The following TBC1D1 variants were observed in gnomAD, a reference collection of about 807,000 sequenced individuals.
TBC1D1 encodes the protein TBC1 (tre-2/USP6, BUB2, cdc16) domain family, member 1.
TBC1D1 carries 89 observed loss-of-function variants against 125.6 expected under a neutral mutation model. The observed-to-expected ratio is 0.71, with a 90% CI of 0.60 to 0.85. The LOEUF is 0.85. Among genes scored for constraint, TBC1D1 ranks in the 40% least tolerant of loss-of-function variants. The pLI is 0.00. For missense variants in TBC1D1, 1,377 were observed against 1,469.2 expected, an observed-to-expected ratio of 0.94 and a Z score of 1.03; for synonymous variants, 565 against 564.1, an observed-to-expected ratio of 1.00 and a Z score of -0.02.
At chr4:38,040,055 A>T (rs184720107) in intron 8 of TBC1D1, among the ~76,000 whole-genome samples, 1 of 152,322 alleles carries the variant, frequency 6.6e-6, no homozygotes, top group African/African-American at 2.4e-5. Context: ...TCATTTCTAA[A>T]TGTGAATTAT....
intron 5 of TBC1D1, among the ~76,000 whole-genome samples, chr4:38,021,063 A>T (rs571029595): frequency 3.6e-4 from 55 of 152,334 alleles, no homozygotes; most frequent in Non-Finnish European, 4.3e-4. Context: ...TGGGTAATTT[A>T]TAAAGGAAAG....
chr4:37,971,341 G>A (rs1731977919), intron 2 of TBC1D1, among the ~76,000 whole-genome samples: 1 of 152,124 alleles, frequency 6.6e-6, no homozygotes, highest in Non-Finnish European at 1.5e-5. Flanking sequence ...CACGTGGCTG[G>A]GGAGGCCTCA....
intron 2 of TBC1D1, among the ~76,000 whole-genome samples, chr4:37,931,861 C>A (rs1326979729): frequency 6.6e-6 from 1 of 152,174 alleles, no homozygotes; most frequent in Non-Finnish European, 1.5e-5. Context: ...ACAAGTTTTA[C>A]TCTTTCTTGT....
Position 38,074,448 on chromosome 4 carries a change from G to A in TBC1D1, c.2051-15484G>A, listed in dbSNP as rs898480357. Among the ~76,000 whole-genome samples the A allele has an allele frequency of 3.9e-5, 6 of 152,206 alleles. 1 individual carries two copies. Among genetic ancestry groups the A allele is most frequent in the South Asian group, 4.1e-4 (2 of 4,834 alleles). ...CACAATGACCAGGCTTGGAAGGATC[G>A]ATTTCCCCTGTGCTGGCCCTCAGAA... On this transcript the variant is annotated intron_variant, in intron 12 of 19. Transcript: ENST00000261439.
intron 2 of TBC1D1, among the ~76,000 whole-genome samples, chr4:37,964,327 T>G (rs1730654430): frequency 6.6e-6 from 1 of 152,166 alleles, no homozygotes; most frequent in Non-Finnish European, 1.5e-5. Flanking sequence ...GTCTCACAGT[T>G]GGAAAGGAGG....
At chr4:38,103,305 G>A (rs1760697449) in intron 15 of TBC1D1, 148 bp downstream of exon 17, 5 of 782,448 alleles carry the variant, frequency 6.4e-6, no homozygotes, top group Non-Finnish European at 9.9e-6. Flanking sequence ...AAGCCCTAGG[G>A]TAATCACAAA....
At chr4:38,095,319 C>A (rs1366462642) in intron 13 of TBC1D1, among the ~76,000 whole-genome samples, 1 of 152,176 alleles carries the variant, frequency 6.6e-6, no homozygotes, top group Non-Finnish European at 1.5e-5. Context: ...ATATTACTCC[C>A]CCCTGGGCTT....
Position 38,011,442 on chromosome 4 carries a change from G to T in TBC1D1, c.418-3067G>T, listed in dbSNP as rs1227302605. Among the ~76,000 whole-genome samples, 4 of 151,930 alleles carry T rather than the reference G, an allele frequency of 2.6e-5. No homozygotes were observed. The East Asian group carries it at 7.7e-4, about 29-fold the overall frequency. On this transcript the variant is annotated intron_variant, in intron 2 of 19. Coordinates refer to ENST00000261439, the MANE Select transcript of TBC1D1 (RefSeq NM_015173.4). ...GGTTTTATAAACTTACACACAGATA[G>T]AACCCATTTTTTATTTAGTCTCTTA...
chr4:38,126,054 T>C (rs1764585760), intron 18 of TBC1D1, among the ~76,000 whole-genome samples: 1 of 152,236 alleles, frequency 6.6e-6, no homozygotes, highest in Non-Finnish European at 1.5e-5. Context: ...GCAAACTTCA[T>C]AAAGTGTACT....
chr4:38,029,580 G>A (rs1745744940), intron 7 of TBC1D1, among the ~76,000 whole-genome samples: 1 of 152,136 alleles, frequency 6.6e-6, no homozygotes, highest in African/African-American at 2.4e-5. Context: ...TATTGGCCAG[G>A]CTGGTCTCTA....
intron 2 of TBC1D1, among the ~76,000 whole-genome samples, chr4:37,929,544 T>C (rs990874257): frequency 5.3e-5 from 8 of 152,184 alleles, no homozygotes; most frequent in African/African-American, 1.7e-4. Flanking sequence ...GACCACACTT[T>C]AGAAGCACTG....
At chr4:37,916,011 G>A (rs967960147) in intron 2 of TBC1D1, among the ~76,000 whole-genome samples, 6 of 152,202 alleles carry the variant, frequency 3.9e-5, no homozygotes, top group Non-Finnish European at 8.8e-5. Context: ...GAAAACCCTT[G>A]CGTGTAGATT....
chr4:38,081,886 C>G (rs2152525946), intron 12 of TBC1D1, among the ~76,000 whole-genome samples: 1 of 152,252 alleles, frequency 6.6e-6, no homozygotes, highest in African/African-American at 2.4e-5. Context: ...TCCATTACCC[C>G]AAGGCATTAG....
At position 37,920,963 on chromosome 4, in the gene TBC1D1, A is replaced by T. The variant is rs573169993; in HGVS notation, c.417+18451A>T. On this transcript the variant is annotated intron_variant, in intron 2 of 19. Transcript: ENST00000261439. ...GTCTCTACTAAAAATACAAAAAATT[A>T]GCCAGGCATGGTGGCGGGTGCCTGT... Among the ~76,000 whole-genome samples the T allele has an allele frequency of 1.5e-4, 23 of 152,150 alleles. No homozygotes were observed. In the South Asian group the frequency reaches 1.7e-3, roughly 11 times the overall value.
rs1329401803 is a variant in TBC1D1, at chr4:38,087,841, G to A, written c.2051-2091G>A. ...CACCTGGGCAACAGAATGAGATTCC[G>A]TCTCAAAAAAAAAAAAAAAAAGAAA... On this transcript the variant is annotated intron_variant, in intron 12 of 19. Coordinates refer to ENST00000261439, the MANE Select transcript of TBC1D1 (RefSeq NM_015173.4). 1.9e-4 allele frequency among the ~76,000 whole-genome samples: 18 copies of A among 94,458 alleles called. No individual in the cohort carries two copies. The East Asian group carries it at 3.5e-3, about 18-fold the overall frequency. 62.0% of individuals were successfully genotyped at this position (94,458 alleles called of 152,430 possible).
At chr4:38,074,853 C>T (rs954306439) in intron 12 of TBC1D1, among the ~76,000 whole-genome samples, 7 of 151,924 alleles carry the variant, frequency 4.6e-5, no homozygotes, top group Admixed American at 6.6e-5. Flanking sequence ...CCTCTGCCTC[C>T]GGGTTCAAAT....
chr4:38,005,788 A>C (rs372313925), intron 2 of TBC1D1, among the ~76,000 whole-genome samples: 7 of 152,214 alleles, frequency 4.6e-5, no homozygotes, highest in Non-Finnish European at 7.3e-5. Context: ...CAGCAAGGCC[A>C]TGTGACTTCT....
chr4:37,995,835 T>C lies in TBC1D1; in HGVS notation c.418-18674T>C. ...ATCCTCAGTCTTGGGGATCAGGTGC[T>C]GGATCCATGTGATCACCAGAATGCA... On this transcript the variant is annotated intron_variant, in intron 2 of 19. Coordinates refer to ENST00000261439, the MANE Select transcript of TBC1D1 (RefSeq NM_015173.4). The surrounding 1 kb of genome is among the most constrained non-coding windows in gnomAD (Gnocchi z 4.3). 1 of 566,452 alleles carries C rather than the reference T, an allele frequency of 1.8e-6. No individual in the cohort carries two copies. The highest frequency in any genetic ancestry group is 1.4e-5 in the South Asian group (1 of 72,118). The allele number at this position is 566,452 out of a possible 1,614,324, so 35.1% of individuals were successfully genotyped here. A position where few individuals can be genotyped will look rare whatever the true frequency, so the allele number is the denominator to read the frequency against.
chr4:37,900,088 T>C (rs1217331321), intron 1 of TBC1D1, among the ~76,000 whole-genome samples: 1 of 140,886 alleles, frequency 7.1e-6, no homozygotes. Context: ...GCCACTGCAC[T>C]CCAGCCTGGG....
Sources: gnomAD v4.1 joint callset for allele counts (sites outside exome capture counted in the v4.1 genomes callset) on GRCh38, gnomAD v4.1.1 for gene constraint, Gnocchi (gnomAD v3.1) non-coding constraint, MANE v1.5 for transcripts, NCBI Gene and HGNC (gene_info 2026-07-23, HGNC 2026-07-21) for gene names.